CSMD1: variants seen among roughly 807,000 people sequenced by gnomAD.
The protein encoded by CSMD1 is CUB and Sushi multiple domains 1, also known as CUB and sushi domain-containing protein 1.
Under a neutral mutation model 417.5 loss-of-function variants are expected in CSMD1, and 213 were observed. The observed-to-expected ratio is 0.51, with a 90% confidence interval of 0.46 to 0.57. The LOEUF is 0.57. Among genes scored for constraint, CSMD1 ranks in the 20% least tolerant of loss-of-function variants. CSMD1 has a pLI of 0.00. For synonymous variants in CSMD1, 2,862 were observed against 1,736.8 expected, an observed-to-expected ratio of 1.65 and a Z score of -16.11; for missense variants, 6,923 against 4,529.7, an observed-to-expected ratio of 1.53 and a Z score of -15.17.
chr8:2,992,435 T>G (rs564971928), intron 54 of CSMD1, among the ~76,000 whole-genome samples: 141 of 151,054 alleles, frequency 9.3e-4, no homozygotes, highest in African/African-American at 3.2e-3. Flanking sequence ...TTGTTGCTGT[T>G]TTTTTTTTAA....
At chr8:3,301,994 C>T (rs932395063) in intron 25 of CSMD1, among the ~76,000 whole-genome samples, 11 of 152,082 alleles carry the variant, frequency 7.2e-5, no homozygotes, top group Admixed American at 2.0e-4. Context: ...AAAAGAATTC[C>T]ATGAGCTGTA....
At chr8:4,223,359 T>A (rs966996270) in intron 3 of CSMD1, among the ~76,000 whole-genome samples, 1 of 152,258 alleles carries the variant, frequency 6.6e-6, no homozygotes, top group Non-Finnish European at 1.5e-5. Flanking sequence ...AACTCCTACC[T>A]GTAGTCCATC....
chr8:4,962,403 GTCTT>G (rs772706573), intron 1 of CSMD1, among the ~76,000 whole-genome samples: 5 of 151,872 alleles, frequency 3.3e-5, no homozygotes, highest in South Asian at 2.1e-4. Context: ...TAGAGACAGG[GTCTT>G]TCTATGTCGC....
At chr8:4,708,837 C>G (rs1359313474) in intron 1 of CSMD1, among the ~76,000 whole-genome samples, 1 of 152,112 alleles carries the variant, frequency 6.6e-6, no homozygotes, top group East Asian at 1.9e-4. Flanking sequence ...GGTCCCTAAT[C>G]CGACATGACT....
intron 51 of CSMD1, 114 bp from the exon 52 acceptor site, chr8:3,018,764 A>C (rs1809093616): frequency 1.1e-6 from 1 of 932,562 alleles, no homozygotes; most frequent in Admixed American, 2.6e-5. Context: ...TTTAGTCTTA[A>C]TTTTCACTAA....
intron 47 of CSMD1, among the ~76,000 whole-genome samples, chr8:3,095,810 C>T (rs1423679254): frequency 1.3e-5 from 2 of 152,138 alleles, no homozygotes; most frequent in Non-Finnish European, 2.9e-5. Flanking sequence ...ACATTCCTTC[C>T]ATTTCAAATT....
chr8:4,697,280 A>G (rs1019607752), intron 1 of CSMD1, among the ~76,000 whole-genome samples: 2 of 152,196 alleles, frequency 1.3e-5, no homozygotes, highest in Non-Finnish European at 2.9e-5. Flanking sequence ...GCAAGACAAG[A>G]TGAAAACAAG....
At chr8:4,712,525 C>A (rs746329267) in intron 1 of CSMD1, among the ~76,000 whole-genome samples, 2 of 152,074 alleles carry the variant, frequency 1.3e-5, no homozygotes, top group Non-Finnish European at 2.9e-5. Flanking sequence ...TTTTCCTTAT[C>A]CCTTTATCAG....
Position 4,444,938 on chromosome 8 carries a change from A to G in CSMD1, c.303-24873T>C, listed in dbSNP as rs547852159. Among the ~76,000 whole-genome samples the G allele has an allele frequency of 2.3e-3, 352 of 152,326 alleles. 1 individual carries two copies. The highest frequency in any genetic ancestry group is 4.0e-3 in the Non-Finnish European group (273 of 68,032). On this transcript the variant is annotated intron_variant, in intron 2 of 69. Transcript: ENST00000635120. The stretch of plus-strand genomic sequence containing the variant: ...CATATTTGCTCCCTTCTTCATTTAC[A>G]TAAAATAACTGGGAAATCTCCACTG...
chr8:4,797,111 C>T (rs1342576966), intron 1 of CSMD1, among the ~76,000 whole-genome samples: 2 of 152,160 alleles, frequency 1.3e-5, no homozygotes, highest in East Asian at 1.9e-4. Flanking sequence ...GAGATGAATA[C>T]AGATGTGATT....
At chr8:3,713,997 A>G (rs1031311246) in intron 6 of CSMD1, among the ~76,000 whole-genome samples, 1 of 151,618 alleles carries the variant, frequency 6.6e-6, no homozygotes, top group Non-Finnish European at 1.5e-5. Context: ...ATCTTTGTAA[A>G]TCCTTAGAAT....
At position 3,211,022 on chromosome 8, in the gene CSMD1, A is replaced by G. The variant is rs1797573291; in HGVS notation, c.4867+3475T>C. 2.0e-5 allele frequency among the ~76,000 whole-genome samples: 3 copies of G among 152,122 alleles called. No individual in the cohort carries two copies. In the South Asian group the frequency reaches 6.2e-4, roughly 31 times the overall value. On this transcript the variant is annotated intron_variant, in intron 30 of 69. Transcript: ENST00000635120. ...ATCATTTTCTGGGATACAAGAAAGA[A>G]AATTAGAATTTTTACCCAAAATTAC...
chr8:4,520,671 C>G (rs1395846885), intron 2 of CSMD1, among the ~76,000 whole-genome samples: 1 of 152,130 alleles, frequency 6.6e-6, no homozygotes, highest in East Asian at 1.9e-4. Flanking sequence ...CATGAACAGA[C>G]TTGTTCTGAA....
At chr8:3,079,057 G>A (rs560819255) in intron 49 of CSMD1, among the ~76,000 whole-genome samples, 1 of 152,156 alleles carries the variant, frequency 6.6e-6, no homozygotes, top group African/African-American at 2.4e-5. Context: ...AGCAAATGCT[G>A]GGGATGGGAG....
chr8:4,198,117 G>C (rs187986760), intron 3 of CSMD1, among the ~76,000 whole-genome samples: 2 of 152,246 alleles, frequency 1.3e-5, no homozygotes, highest in Non-Finnish European at 2.9e-5. Flanking sequence ...AGTTTTACGG[G>C]AGAAGGTTCT....
In CSMD1 at chr8:3,325,717, G is replaced by A. The variant is rs150134480; in HGVS notation, c.3632-17214C>T. Among the ~76,000 whole-genome samples the A allele has an allele frequency of 2.1e-3, 322 of 152,246 alleles. 1 individual carries two copies. Among genetic ancestry groups the A allele is most frequent in the African/African-American group, 7.2e-3 (298 of 41,558 alleles). Reference sequence around the variant, plus strand: ...CAGGCGCCTATAATCCCAGCTACTCGGGAAGCTGAGGCAAGGGAATTGCTT... The same window carrying A: ...CAGGCGCCTATAATCCCAGCTACTCAGGAAGCTGAGGCAAGGGAATTGCTT... On this transcript the variant is annotated intron_variant, in intron 23 of 69. Transcript: ENST00000635120.
intron 1 of CSMD1, among the ~76,000 whole-genome samples, chr8:4,975,625 C>A (rs528654163): frequency 6.6e-6 from 1 of 152,136 alleles, no homozygotes; most frequent in Non-Finnish European, 1.5e-5. Flanking sequence ...ACAAGTATTG[C>A]ATCCGAACAA....
At chr8:3,299,681 G>A (rs1163205692) in intron 25 of CSMD1, among the ~76,000 whole-genome samples, 3 of 152,116 alleles carry the variant, frequency 2.0e-5, no homozygotes, top group Admixed American at 6.6e-5. Context: ...GGAGAGAACC[G>A]GAAATGCAGG....
At chr8:3,888,524 C>G (rs1378516942) in intron 5 of CSMD1, among the ~76,000 whole-genome samples, 5 of 152,138 alleles carry the variant, frequency 3.3e-5, no homozygotes, top group African/African-American at 1.2e-4. Flanking sequence ...TGCTGGCTCC[C>G]CCATCTGACC....
Sources: allele counts gnomAD v4.1 joint callset (sites outside exome capture counted in the v4.1 genomes callset), GRCh38; gene constraint gnomAD v4.1.1; transcripts MANE v1.5; gene names NCBI Gene and HGNC (gene_info 2026-07-23, HGNC 2026-07-21).